The following EYS variants were observed in gnomAD, a reference collection of about 807,000 sequenced individuals.
EYS encodes the protein EGF-like photoreceptor maintenance factor.
EYS carries 250 observed loss-of-function variants against 282.1 expected under a neutral mutation model. That is an observed-to-expected ratio of 0.89 (90% CI 0.80 to 0.98). The LOEUF is 0.98. EYS is among the 50% of genes least tolerant of loss of function. EYS has a pLI of 0.00. For synonymous variants in EYS, 1,355 were observed against 1,282.9 expected (o/e 1.06, Z -1.20); for missense variants, 4,016 against 3,709.0 (o/e 1.08, Z -2.15).
intron 31 of EYS, among the ~76,000 whole-genome samples, chr6:64,176,499 T>TTGTG (rs111683045): frequency 1.8e-3 from 260 of 147,152 alleles, no homozygotes; most frequent in South Asian, 0.01. Flanking sequence ...CATATCACGA[T>TTGTG]TGTGTGTGTG....
intron 35 of EYS, among the ~76,000 whole-genome samples, chr6:63,968,374 G>T (rs1190304973): frequency 6.6e-6 from 1 of 152,072 alleles, no homozygotes; most frequent in African/African-American, 2.4e-5. Context: ...CTGCATCTGA[G>T]AGACAACAAA....
intron 1 of EYS, among the ~76,000 whole-genome samples, chr6:65,693,851 A>G (rs1201657268): frequency 6.7e-6 from 1 of 149,854 alleles, no homozygotes; most frequent in Non-Finnish European, 1.5e-5. Context: ...AAATCTAAGC[A>G]CCCATCTCAG....
intron 2 of EYS, among the ~76,000 whole-genome samples, chr6:65,550,143 C>CTTT (rs1048251073): frequency 0.018 from 103 of 5,792 alleles, 5 homozygotes; most frequent in African/African-American, 0.022. Context: ...TCTACTATAT[C>CTTT]TTTTTTTTTT....
At chr6:64,342,918 A>G (rs1771186245) in intron 29 of EYS, among the ~76,000 whole-genome samples, 1 of 152,076 alleles carries the variant, frequency 6.6e-6, no homozygotes, top group Admixed American at 6.6e-5. Flanking sequence ...AGTCTTGGAT[A>G]AAACAGACTT....
chr6:64,260,020 G>C (rs963197502), intron 30 of EYS, among the ~76,000 whole-genome samples: 2 of 151,974 alleles, frequency 1.3e-5, no homozygotes, highest in African/African-American at 4.8e-5. Flanking sequence ...CTGAAGTAAA[G>C]ACTTAATGTT....
intron 21 of EYS, 74 bp downstream of exon 21, chr6:64,821,571 C>A: frequency 1.3e-6 from 1 of 754,998 alleles, no homozygotes; most frequent in Non-Finnish European, 2.2e-6. Flanking sequence ...ACTCTGAAAC[C>A]TACAGCAAGC....
At chr6:64,829,958 T>A (rs1168488373) in intron 19 of EYS, among the ~76,000 whole-genome samples, 1 of 151,940 alleles carries the variant, frequency 6.6e-6, no homozygotes. Context: ...ATGGTTGTTG[T>A]AGGCTCTTTG....
chr6:64,956,717 G>A (rs566329553), intron 14 of EYS, among the ~76,000 whole-genome samples: 6 of 152,130 alleles, frequency 3.9e-5, no homozygotes, highest in African/African-American at 1.4e-4. Flanking sequence ...AATATATAAG[G>A]ATCTCAAACA....
intron 2 of EYS, among the ~76,000 whole-genome samples, chr6:65,515,029 A>T (rs928058708): frequency 1.2e-4 from 19 of 152,186 alleles, no homozygotes; most frequent in Non-Finnish European, 2.5e-4. Context: ...GAATATTTTC[A>T]CAACCTACTT....
chr6:64,240,589 T>G (rs550676192), intron 30 of EYS, among the ~76,000 whole-genome samples: 1 of 152,214 alleles, frequency 6.6e-6, no homozygotes, highest in South Asian at 2.1e-4. Context: ...CTTGTGATTT[T>G]TGCACATTGA....
intron 5 of EYS, among the ~76,000 whole-genome samples, chr6:65,448,809 A>C (rs1031322272): frequency 2.0e-5 from 3 of 152,114 alleles, no homozygotes; most frequent in African/African-American, 7.2e-5. Flanking sequence ...AAGCAACTTA[A>C]GACTTGATGA....
intron 15 of EYS, among the ~76,000 whole-genome samples, chr6:64,929,854 T>G (rs1768650471): frequency 6.6e-6 from 1 of 152,050 alleles, no homozygotes; most frequent in Admixed American, 6.6e-5. Flanking sequence ...TGATGTGGAG[T>G]CACACCTGTC....
chr6:63,726,638 G>A lies in EYS; in HGVS notation c.8114C>T (p.Ser2705Phe), dbSNP rs1230647637. The A allele has an allele frequency of 1.3e-6, 2 of 1,551,184 alleles. No homozygotes were observed. Among genetic ancestry groups the A allele is most frequent in the Non-Finnish European group, 1.7e-6 (2 of 1,146,762 alleles). Residue 2705 changes from serine (S) to phenylalanine (F), a missense_variant, in exon 42 of 43, where the codon TCC becomes TTC. Ser to Phe is a radical substitution (Grantham distance 155, BLOSUM62 -2). Transcript: ENST00000503581. ...ATGAAAGGAAGCAAAAGACATCCAG[G>A]ATAACTCATTGCTTCTGAAAGATGG... Reference protein sequence around the residue: ...SDPSFRSNELSWMSFASFHVR... With the variant: ...SDPSFRSNELFWMSFASFHVR...
At chr6:65,347,041 T>C (rs895311240) in intron 9 of EYS, among the ~76,000 whole-genome samples, 1 of 151,814 alleles carries the variant, frequency 6.6e-6, no homozygotes, top group African/African-American at 2.4e-5. Flanking sequence ...GGATGTATTC[T>C]CAATGATCAG....
At position 65,295,887 on chromosome 6, in the gene EYS, G is replaced by A. The variant is rs765763663; in HGVS notation, c.1999C>T (p.Arg667Cys). ...CCTTTAAATCCTGGGACACACTTGC[G>A]GAAGAAATATCCCCTTAAATGTGTA... ...TSTHLRGYFF[R>C]KCVPGFKGTQ... is the part of the protein sequence containing the mutation. Residue 667 changes from arginine (R) to cysteine (C), a missense_variant, in exon 12 of 43, where the codon CGC (arginine) becomes TGC (cysteine). Physicochemically the swap from Arg to Cys is radical, Grantham distance 180. Transcript: ENST00000503581. 42 of 1,547,470 alleles carry A rather than the reference G, an allele frequency of 2.7e-5. No individual in the cohort carries two copies. The highest frequency in any genetic ancestry group is 1.8e-4 in the African/African-American group (13 of 72,766).
At chr6:65,518,361 G>A (rs1479204790) in intron 2 of EYS, among the ~76,000 whole-genome samples, 1 of 152,026 alleles carries the variant, frequency 6.6e-6, no homozygotes, top group Non-Finnish European at 1.5e-5. Flanking sequence ...AAAAGGGCAG[G>A]CAATACATCT....
intron 2 of EYS, among the ~76,000 whole-genome samples, chr6:65,591,825 T>G (rs190996147): frequency 6.6e-6 from 1 of 152,126 alleles, no homozygotes; most frequent in Admixed American, 6.6e-5. Flanking sequence ...CTTTTTATTC[T>G]TAACAAAATT....
intron 41 of EYS, among the ~76,000 whole-genome samples, chr6:63,752,149 A>T (rs945449461): frequency 6.6e-6 from 1 of 152,166 alleles, no homozygotes; most frequent in African/African-American, 2.4e-5. Flanking sequence ...GCATATAGTG[A>T]TCCTTTCAAT....
chr6:64,698,315 G>A (rs946792019), intron 22 of EYS, among the ~76,000 whole-genome samples: 14 of 151,992 alleles, frequency 9.2e-5, no homozygotes, highest in Admixed American at 7.2e-4. Context: ...ACTAGAAGAA[G>A]AGAATAACCA....
Sources: gnomAD v4.1 joint callset for allele counts (sites outside exome capture counted in the v4.1 genomes callset) on GRCh38, gnomAD v4.1.1 for gene constraint, MANE v1.5 for transcripts, NCBI Gene and HGNC (gene_info 2026-07-23, HGNC 2026-07-21) for gene names.